Variants in NDUFAF7 observed in about 807,000 individuals in gnomAD.
NDUFAF7 encodes protein arginine methyltransferase NDUFAF7, mitochondrial.
Under a neutral mutation model 47.2 loss-of-function variants are expected in NDUFAF7, and 48 were observed. The ratio of observed to expected loss-of-function variants is 1.02; its 90% CI spans 0.81 to 1.29. NDUFAF7 has a LOEUF of 1.29. Ranked by LOEUF, NDUFAF7 falls within the 50% of genes most tolerant of loss-of-function variation. The pLI is 0.00. For missense variants in NDUFAF7, 635 were observed against 537.6 expected, an observed-to-expected ratio of 1.18 and a Z score of -1.79; for synonymous variants, 217 against 190.0, an observed-to-expected ratio of 1.14 and a Z score of -1.17.
chr2:37,269,554 T>C, the NDUFAF7 span: 1 of 1,427,404 alleles, frequency 7.0e-7, no homozygotes, highest in Non-Finnish European at 9.9e-7. Flanking sequence ...CTGGCAGATG[T>C]TTTACATTTT....
the NDUFAF7 span, chr2:37,268,106 C>T: frequency 3.1e-6 from 1 of 322,432 alleles, no homozygotes; most frequent in Non-Finnish European, 6.1e-6. Context: ...CTAGGTATGC[C>T]TTTAGATGCT....
chr2:37,260,150 TA>T, the NDUFAF7 span: 1 of 1,363,114 alleles, frequency 7.3e-7, no homozygotes, highest in Non-Finnish European at 1.0e-6. Flanking sequence ...GGTGACAGAG[TA>T]AGACTCTTGT....
chr2:37,254,271 T>C, downstream of NDUFAF7: 2 of 1,613,252 alleles, frequency 1.2e-6, no homozygotes, highest in Non-Finnish European at 8.5e-7. Context: ...TTGAAGCAGA[T>C]TGTTTATCAG....
downstream of NDUFAF7, among the ~76,000 whole-genome samples, chr2:37,255,774 G>C (rs1451529475): frequency 6.6e-6 from 1 of 152,214 alleles, no homozygotes; most frequent in Non-Finnish European, 1.5e-5. Context: ...GGGAGGTCAA[G>C]TTGGGAAGAT....
chr2:37,252,847 T>TTATATTTATA (rs1553362997), downstream of NDUFAF7: 2 of 145,014 alleles, frequency 1.4e-5, no homozygotes, highest in East Asian at 4.1e-4. Context: ...ATATTTATAT[T>TTATATTTATA]TATATATATA....
At chr2:37,256,407 T>C (rs1464090813), downstream of NDUFAF7, among the ~76,000 whole-genome samples, 1 of 152,170 alleles carries the variant, frequency 6.6e-6, no homozygotes, top group Non-Finnish European at 1.5e-5. Flanking sequence ...GTTAAAAAGA[T>C]ATTTTAGTGG....
chr2:37,236,088 T>C lies in NDUFAF7; in HGVS notation c.217-8T>C, dbSNP rs1219955835. The C allele has an allele frequency of 6.2e-7, 1 of 1,607,946 alleles. No individual in the cohort carries two copies. Among genetic ancestry groups the C allele is most frequent in the East Asian group, 2.2e-5 (1 of 44,788 alleles). ...AATTTTGTTTCTCTATTTTCTCTTTTTACTCAGGGTTATTATGTGTACCGT... is the reference window on the plus strand; with the variant it reads ...AATTTTGTTTCTCTATTTTCTCTTTCTACTCAGGGTTATTATGTGTACCGT... On this transcript the variant is annotated splice_polypyrimidine_tract_variant and splice_region_variant and intron_variant, in intron 2 of 9. Coordinates refer to ENST00000002125, the MANE Select transcript of NDUFAF7 (RefSeq NM_144736.5).
rs922644476 is a variant in NDUFAF7, at chr2:37,244,057, A to C, written c.792+84A>C. On this transcript the variant is annotated intron_variant, in intron 7 of 9. Transcript: ENST00000002125. ...TTCTGAGTTACTACTTTAGAGTTTT[A>C]GAGTTCCTTTACAGGAAGAGTTGCT... 5.0e-6 allele frequency: 6 copies of C among 1,204,004 alleles called. No homozygotes were observed. The African/African-American group carries it at 9.1e-5, about 18-fold the overall frequency. The allele number at this position is 1,204,004 out of a possible 1,614,324, so 74.6% of individuals were successfully genotyped here.
the NDUFAF7 span, among the ~76,000 whole-genome samples, chr2:37,265,089 G>C: frequency 6.6e-6 from 1 of 152,176 alleles, no homozygotes; most frequent in African/African-American, 2.4e-5. Flanking sequence ...TAGGGATGCA[G>C]GTAAAGGTAT....
At position 37,249,151 on chromosome 2, in the gene NDUFAF7, T is replaced by C. The variant is rs1311038806; in HGVS notation, c.*801T>C. ...AACTAAATAAATACGAGTAATTTCA[T>C]AGAAACGAATACACTAGTGTACACT... On this transcript the variant is annotated 3_prime_UTR_variant, in exon 10 of 10. Coordinates refer to ENST00000002125, the MANE Select transcript of NDUFAF7 (RefSeq NM_144736.5). 2 of 152,368 alleles carry C rather than the reference T, an allele frequency of 1.3e-5. No individual in the cohort carries two copies. Among genetic ancestry groups the C allele is most frequent in the South Asian group, 2.1e-4 (1 of 4,830 alleles). 9.4% of individuals were successfully genotyped at this position (152,368 alleles called of 1,614,324 possible).
intron 2 of NDUFAF7, 94 bp downstream of exon 2, chr2:37,232,360 A>G: frequency 6.6e-7 from 1 of 1,520,606 alleles, no homozygotes; most frequent in Non-Finnish European, 9.1e-7. Flanking sequence ...CAGCCCAGGC[A>G]GTGGGGGTGC....
the NDUFAF7 span, among the ~76,000 whole-genome samples, chr2:37,265,577 AGATTCAAACTCT>A: frequency 6.6e-6 from 1 of 152,212 alleles, no homozygotes; most frequent in Admixed American, 6.5e-5. Flanking sequence ...AGACAGACTT[AGATTCAAACTCT>A]GAATCTGCCT....
chr2:37,267,830 G>A, the NDUFAF7 span: 1 of 301,388 alleles, frequency 3.3e-6, no homozygotes, highest in Non-Finnish European at 6.1e-6. Flanking sequence ...TAATTACCCT[G>A]ACCTAGTCCT....
In NDUFAF7 at chr2:37,237,912, T is replaced by G. The variant is rs115423532; in HGVS notation, c.408+45T>G. 0.03 allele frequency: 40,682 copies of G among 1,362,772 alleles called. 732 individuals carry two copies. Among genetic ancestry groups the G allele is most frequent in the Middle Eastern group, 0.036 (198 of 5,542 alleles). 84.4% of individuals were successfully genotyped at this position (1,362,772 alleles called of 1,614,324 possible). On this transcript the variant is annotated intron_variant, in intron 4 of 9. Transcript: ENST00000002125. ...CTTCTAGTCTCATATAAGTGAATTT[T>G]AGTACTTCTGAGTGTGCAAACCATG...
chr2:37,247,393 G>A (rs2148443513), intron 8 of NDUFAF7, 63 bp from the exon 9 acceptor site: 2 of 1,554,366 alleles, frequency 1.3e-6, no homozygotes, highest in African/African-American at 1.4e-5. Context: ...ACTTTAATAT[G>A]ATAGCATTTC....
At chr2:37,249,590 C>G (rs904282351), downstream of NDUFAF7, among the ~76,000 whole-genome samples, 165 of 129,498 alleles carry the variant, frequency 1.3e-3, no homozygotes, top group Admixed American at 4.4e-3. Context: ...CACACACACA[C>G]ACACACACAC....
At chr2:37,234,611 AAGAAG>A (rs1157513145) in intron 2 of NDUFAF7, among the ~76,000 whole-genome samples, 1 of 152,192 alleles carries the variant, frequency 6.6e-6, no homozygotes, top group Non-Finnish European at 1.5e-5. Flanking sequence ...GAAAGCCTAG[AAGAAG>A]AGATGTGTGG....
chr2:37,268,858 T>C, the NDUFAF7 span: 1 of 153,896 alleles, frequency 6.5e-6, no homozygotes, highest in South Asian at 2.0e-4. Context: ...AAACTGGCTA[T>C]GAATCTGTAG....
At chr2:37,247,727 T>TA in intron 9 of NDUFAF7, 98 bp downstream of exon 9, 2 of 1,390,202 alleles carry the variant, frequency 1.4e-6, no homozygotes, top group Non-Finnish European at 2.0e-6. Context: ...CTCTTGTAGT[T>TA]AGCCAATCCT....
Sources: gnomAD v4.1 joint callset for allele counts (sites outside exome capture counted in the v4.1 genomes callset) on GRCh38, gnomAD v4.1.1 for gene constraint, MANE v1.5 for transcripts, NCBI Gene and HGNC (gene_info 2026-07-23, HGNC 2026-07-21) for gene names.